The following SRGAP3 variants were observed in gnomAD, a reference collection of about 807,000 sequenced individuals.
The protein encoded by SRGAP3 is SLIT-ROBO Rho GTPase-activating protein 3.
SRGAP3 carries 39 observed loss-of-function variants against 121.1 expected under a neutral mutation model. The ratio of observed to expected loss-of-function variants is 0.32; its 90% confidence interval spans 0.25 to 0.42. SRGAP3 has a LOEUF of 0.42. Among genes scored for constraint, SRGAP3 ranks in the 10% least tolerant of loss-of-function variants. The probability of loss-of-function intolerance (pLI) is 1.00; values close to 1 mark genes in which losing one functional copy is unlikely to be tolerated. For synonymous variants in SRGAP3, 601 were observed against 570.0 expected, an observed-to-expected ratio of 1.05 and a Z score of -0.77; for missense variants, 1,213 against 1,470.6, an observed-to-expected ratio of 0.82 and a Z score of 2.86.
intron 1 of SRGAP3, among the ~76,000 whole-genome samples, chr3:9,178,136 C>T (rs183603017): frequency 1.3e-5 from 2 of 152,140 alleles, no homozygotes. Flanking sequence ...GGCATGGTGG[C>T]GCATGCCTGT....
chr3:9,358,665 GCAAGTTTGGGTCTC>G (rs1053963261), intron 1 of SRGAP3, among the ~76,000 whole-genome samples: 1 of 152,226 alleles, frequency 6.6e-6, no homozygotes, highest in African/African-American at 2.4e-5. Context: ...GATATCAGTT[GCAAGTTTGGGTCTC>G]CAGAACTTCT....
intron 3 of SRGAP3, among the ~76,000 whole-genome samples, chr3:9,274,549 CT>C (rs1430185597): frequency 2.0e-5 from 3 of 152,304 alleles, no homozygotes; most frequent in East Asian, 3.9e-4. Flanking sequence ...TTACAGTGCC[CT>C]TTTAGCTTTG....
intron 18 of SRGAP3, among the ~76,000 whole-genome samples, chr3:9,004,288 C>CA: frequency 6.6e-6 from 1 of 152,262 alleles, no homozygotes; most frequent in South Asian, 2.1e-4. Context: ...AAATAATTGG[C>CA]AAAACATCCT....
intron 1 of SRGAP3, among the ~76,000 whole-genome samples, chr3:9,336,399 G>T (rs1472159319): frequency 6.6e-6 from 1 of 152,046 alleles, no homozygotes; most frequent in African/African-American, 2.4e-5. Flanking sequence ...ATTTTTTGTA[G>T]AGATGGGGTC....
chr3:9,309,585 G>T (rs929667643), intron 3 of SRGAP3, among the ~76,000 whole-genome samples: 1 of 152,184 alleles, frequency 6.6e-6, no homozygotes, highest in East Asian at 1.9e-4. Context: ...GGCTAGCCAG[G>T]TGTGGTGGCT....
chr3:9,051,001 A>C (rs1423134062), intron 9 of SRGAP3, among the ~76,000 whole-genome samples: 2 of 150,138 alleles, frequency 1.3e-5, no homozygotes, highest in Non-Finnish European at 2.9e-5. Context: ...CAATCCAATC[A>C]ATATTAGCCT....
At chr3:9,325,775 T>C (rs1955507816) in intron 3 of SRGAP3, among the ~76,000 whole-genome samples, 1 of 151,968 alleles carries the variant, frequency 6.6e-6, no homozygotes, top group Non-Finnish European at 1.5e-5. Context: ...AAGTATAAAG[T>C]TATTCATGTA....
chr3:9,141,401 TG>T (rs1304347996), intron 1 of SRGAP3, among the ~76,000 whole-genome samples: 2 of 152,204 alleles, frequency 1.3e-5, no homozygotes, highest in African/African-American at 2.4e-5. Flanking sequence ...GGCTACTGCA[TG>T]GGATGGAAAG....
At chr3:9,357,089 C>T (rs1034251477) in intron 1 of SRGAP3, among the ~76,000 whole-genome samples, 2 of 151,790 alleles carry the variant, frequency 1.3e-5, no homozygotes, top group Non-Finnish European at 2.9e-5. Flanking sequence ...ATGGCAAAAC[C>T]CCATCTCTAC....
At chr3:9,222,568 G>C (rs1952850049) in intron 1 of SRGAP3, among the ~76,000 whole-genome samples, 1 of 152,246 alleles carries the variant, frequency 6.6e-6, no homozygotes, top group Non-Finnish European at 1.5e-5. Context: ...GCACGTTGCT[G>C]ATTCTATTAA....
At chr3:9,346,237 AATTTTTTT>A (rs1955889464) in intron 1 of SRGAP3, among the ~76,000 whole-genome samples, 1 of 151,618 alleles carries the variant, frequency 6.6e-6, no homozygotes, top group African/African-American at 2.4e-5. Flanking sequence ...TCTATCTTTA[AATTTTTTT>A]ATTTTTTATA....
intron 7 of SRGAP3, 87 bp downstream of exon 7, chr3:9,058,151 GATAGAAACTTTCT>G (rs1945922226): frequency 7.5e-7 from 1 of 1,329,006 alleles, no homozygotes; most frequent in Non-Finnish European, 1.1e-6. Context: ...CCAGGCGTCG[GATAGAAACTTTCT>G]GTACGTGCAA....
chr3:9,107,152 G>A (rs538300803), intron 2 of SRGAP3, among the ~76,000 whole-genome samples: 65 of 152,294 alleles, frequency 4.3e-4, no homozygotes, highest in African/African-American at 1.5e-3. Flanking sequence ...TTTCTCCTTG[G>A]CTTATAGCCT....
chr3:9,049,279 C>T (rs375820537), intron 9 of SRGAP3: 4 of 401,416 alleles, frequency 1.0e-5, no homozygotes, highest in Non-Finnish European at 2.0e-5. Flanking sequence ...GTTTCTGGAA[C>T]GACTGGGCTG....
rs772321552 is a variant in SRGAP3 at position 8,990,768 on chromosome 3, C to T, written c.2630G>A (p.Arg877Gln). The change falls in exon 21 of 22, where the codon CGG (arginine) becomes CAG (glutamine). Residue 877 changes from arginine (R) to glutamine (Q), a missense_variant. By Grantham distance (43) the Arg-to-Gln change is conservative. Transcript: ENST00000383836. ...RSGGDTHSPPRGLGPSIDTPP... is the reference protein window; with the variant it reads ...RSGGDTHSPPQGLGPSIDTPP... ...TGTGTCTATGCTGGGGCCCAGGCCC[C>T]GGGGCGGGCTGTGTGTGTCGCCCCC... 70 of 1,603,242 alleles carry T rather than the reference C, an allele frequency of 4.4e-5. No homozygotes were observed. The highest frequency in any genetic ancestry group is 1.7e-4 in the African/African-American group (13 of 74,636).
intron 2 of SRGAP3, among the ~76,000 whole-genome samples, chr3:9,123,290 G>GT (rs1200817866): frequency 6.6e-6 from 1 of 152,072 alleles, no homozygotes; most frequent in East Asian, 1.9e-4. Flanking sequence ...CATTGTGAAT[G>GT]TGTTTAGTGC....
chr3:9,105,059 G>A (rs541006599), intron 2 of SRGAP3, among the ~76,000 whole-genome samples: 8 of 152,320 alleles, frequency 5.3e-5, no homozygotes, highest in South Asian at 2.1e-4. Context: ...GGTCTTTGAC[G>A]CCTATGCGGT....
chr3:9,028,811 T>C (rs370526), intron 12 of SRGAP3, among the ~76,000 whole-genome samples: 121,899 of 152,068 alleles, frequency 0.8, 49,593 homozygotes, highest in African/African-American at 0.94. Flanking sequence ...TACACTGGCA[T>C]TAAGGAATAC....
At chr3:9,063,658 T>C (rs1946285977) in intron 5 of SRGAP3, among the ~76,000 whole-genome samples, 1 of 152,196 alleles carries the variant, frequency 6.6e-6, no homozygotes, top group Non-Finnish European at 1.5e-5. Flanking sequence ...TGTTTTTAAC[T>C]AAATCTGTTT....
Sources: gnomAD v4.1 joint callset for allele counts (sites outside exome capture counted in the v4.1 genomes callset) on GRCh38, gnomAD v4.1.1 for gene constraint, MANE v1.5 for transcripts, NCBI Gene and HGNC (gene_info 2026-07-23, HGNC 2026-07-21) for gene names.